The following KCNIP4 variants were observed in gnomAD, a reference collection of about 807,000 sequenced individuals.
The protein encoded by KCNIP4 is potassium voltage-gated channel interacting protein 4, also known as Kv channel-interacting protein 4.
A neutral mutation model predicts 34.0 loss-of-function variants in KCNIP4; 12 were observed. That is an observed-to-expected ratio of 0.35 (90% CI 0.23 to 0.57). KCNIP4 has a LOEUF of 0.57. Ranked by LOEUF, KCNIP4 falls within the 20% of genes least tolerant of loss-of-function variation. The probability of loss-of-function intolerance (pLI) is 0.83; values close to 1 mark genes in which losing one functional copy is unlikely to be tolerated. For synonymous variants in KCNIP4, 124 were observed against 102.2 expected (o/e 1.21, Z -1.29); for missense variants, 238 against 311.7 (o/e 0.76, Z 1.78).
chr4:21,260,925 C>T (rs953475996), intron 1 of KCNIP4, among the ~76,000 whole-genome samples: 3 of 152,116 alleles, frequency 2.0e-5, no homozygotes, highest in Non-Finnish European at 4.4e-5. Context: ...ACTTCTTGGC[C>T]CAAGTGCTTT....
intron 1 of KCNIP4, among the ~76,000 whole-genome samples, chr4:21,422,982 A>G (rs1439644237): frequency 6.6e-6 from 1 of 152,184 alleles, no homozygotes; most frequent in Non-Finnish European, 1.5e-5. Flanking sequence ...TCAGTAATGA[A>G]TGCCATTACA....
At chr4:21,868,869 A>G (rs1477301517) in intron 1 of KCNIP4, among the ~76,000 whole-genome samples, 1 of 152,226 alleles carries the variant, frequency 6.6e-6, no homozygotes, top group Non-Finnish European at 1.5e-5. Context: ...TCTTTCTTTG[A>G]CCACATATTT....
chr4:21,501,170 T>G (rs533468431), intron 1 of KCNIP4, among the ~76,000 whole-genome samples: 2 of 152,096 alleles, frequency 1.3e-5, no homozygotes, highest in African/African-American at 4.8e-5. Flanking sequence ...AATTCTTGCC[T>G]GAGTCAGTGA....
intron 1 of KCNIP4, among the ~76,000 whole-genome samples, chr4:21,139,276 G>GA (rs1751749777): frequency 6.6e-6 from 1 of 152,068 alleles, no homozygotes. Context: ...ACAAGAAAAC[G>GA]AAAAAGAGAG....
chr4:21,515,682 C>T (rs1734698932), intron 1 of KCNIP4, among the ~76,000 whole-genome samples: 1 of 152,000 alleles, frequency 6.6e-6, no homozygotes, highest in African/African-American at 2.4e-5. Flanking sequence ...ATCATAAAGG[C>T]TTCAGTCTCA....
chr4:21,753,316 C>T (rs892514252), intron 1 of KCNIP4, among the ~76,000 whole-genome samples: 2 of 152,132 alleles, frequency 1.3e-5, no homozygotes, highest in African/African-American at 4.8e-5. Context: ...GTCAGGCAAT[C>T]TCTGGGTGCA....
At chr4:21,214,432 A>G (rs73109445) in intron 1 of KCNIP4, among the ~76,000 whole-genome samples, 14,462 of 151,968 alleles carry the variant, frequency 0.095, 2,183 homozygotes, top group African/African-American at 0.32. Context: ...CTTCCCCGTC[A>G]AAAAAAATTC....
intron 1 of KCNIP4, among the ~76,000 whole-genome samples, chr4:21,221,008 C>T (rs554798756): frequency 2.0e-3 from 308 of 152,170 alleles, no homozygotes; most frequent in African/African-American, 7.0e-3. Context: ...AATAAAGAGC[C>T]CTCCAAGCCT....
intron 1 of KCNIP4, among the ~76,000 whole-genome samples, chr4:21,786,041 C>T (rs1028307617): frequency 6.6e-6 from 1 of 152,182 alleles, no homozygotes; most frequent in Non-Finnish European, 1.5e-5. Context: ...CTCCGCCTCT[C>T]GATTTCAAGC....
intron 1 of KCNIP4, among the ~76,000 whole-genome samples, chr4:21,260,713 T>C (rs1761414992): frequency 6.6e-6 from 1 of 152,204 alleles, no homozygotes; most frequent in South Asian, 2.1e-4. Context: ...AGAATCCTTC[T>C]CAGCACAGTG....
intron 1 of KCNIP4, among the ~76,000 whole-genome samples, chr4:21,440,047 C>T (rs975777076): frequency 7.9e-5 from 12 of 152,220 alleles, no homozygotes. Flanking sequence ...ACCCAGTGAA[C>T]TTGCTTATTC....
chr4:21,121,357 T>C (rs1750141002), intron 1 of KCNIP4, among the ~76,000 whole-genome samples: 1 of 152,228 alleles, frequency 6.6e-6, no homozygotes, highest in African/African-American at 2.4e-5. Flanking sequence ...TCTTGGTTGA[T>C]GGGCCATTAT....
intron 1 of KCNIP4, among the ~76,000 whole-genome samples, chr4:21,686,639 G>T (rs1187620681): frequency 6.6e-6 from 1 of 152,110 alleles, no homozygotes; most frequent in East Asian, 1.9e-4. Context: ...TTAAAAATGT[G>T]TACAGTTAGA....
chr4:21,339,940 CATCA>C (rs1174674414), intron 1 of KCNIP4, among the ~76,000 whole-genome samples: 1 of 152,132 alleles, frequency 6.6e-6, no homozygotes, highest in Non-Finnish European at 1.5e-5. Flanking sequence ...CTTGTATTCT[CATCA>C]ATCACTCAGT....
intron 1 of KCNIP4, among the ~76,000 whole-genome samples, chr4:21,122,463 T>A (rs1000415101): frequency 1.3e-5 from 2 of 151,396 alleles, no homozygotes; most frequent in Non-Finnish European, 2.9e-5. Context: ...TCAAGTTTTT[T>A]TTTTTTTTTT....
In KCNIP4 at chr4:20,821,225, G is replaced by A. The variant is rs115293280; in HGVS notation, c.288+29318C>T. Among the ~76,000 whole-genome samples, 852 of 152,246 alleles carry A rather than the reference G, an allele frequency of 5.6e-3. 2 individuals carry two copies. Among genetic ancestry groups the A allele is most frequent in the Non-Finnish European group, 9.7e-3 (660 of 68,026 alleles). On this transcript the variant is annotated intron_variant, in intron 3 of 8. Transcript: ENST00000382152. ...TGGAGTCAAAGAAGATTATTATCACGCCTCAGAGGTGAATGTCGTTTGCCT... is the reference window on the plus strand; with the variant it reads ...TGGAGTCAAAGAAGATTATTATCACACCTCAGAGGTGAATGTCGTTTGCCT...
intron 4 of KCNIP4, among the ~76,000 whole-genome samples, chr4:20,749,991 G>A (rs1753297391): frequency 6.6e-6 from 1 of 152,214 alleles, no homozygotes; most frequent in Admixed American, 6.5e-5. Context: ...CTTGGGTGAT[G>A]AGATTAACAC....
intron 1 of KCNIP4, among the ~76,000 whole-genome samples, chr4:21,349,934 G>A (rs912941517): frequency 7.2e-5 from 11 of 152,142 alleles, no homozygotes; most frequent in South Asian, 2.1e-4. Flanking sequence ...GCTGATTTAC[G>A]TAATGGAGTT....
At chr4:21,871,838 C>A (rs1725839597) in intron 1 of KCNIP4, among the ~76,000 whole-genome samples, 1 of 134,090 alleles carries the variant, frequency 7.5e-6, no homozygotes, top group Admixed American at 8.6e-5. Flanking sequence ...TCACTGATCC[C>A]CTCTCCTCCA....
Sources: gnomAD v4.1 joint callset for allele counts (sites outside exome capture counted in the v4.1 genomes callset) on GRCh38, gnomAD v4.1.1 for gene constraint, MANE v1.5 for transcripts, NCBI Gene and HGNC (gene_info 2026-07-23, HGNC 2026-07-21) for gene names.